The following MDGA2 variants were observed in gnomAD, a reference collection of about 807,000 sequenced individuals.
The protein encoded by MDGA2 is MAM domain containing glycosylphosphatidylinositol anchor 2.
In MDGA2, 40 loss-of-function variants were observed where a neutral mutation model predicts 117.8. The observed-to-expected ratio is 0.34, with a 90% CI of 0.26 to 0.44. The LOEUF (loss-of-function observed/expected upper bound fraction) is 0.44. MDGA2 is among the 20% of genes least tolerant of loss of function. The probability of loss-of-function intolerance (pLI) is 1.00; values close to 1 mark genes in which losing one functional copy is unlikely to be tolerated. For missense variants in MDGA2, 1,123 were observed against 1,250.6 expected (o/e 0.90, Z 1.54); for synonymous variants, 452 against 439.0 (o/e 1.03, Z -0.37).
chr14:47,128,745 A>AG (rs1037339135), intron 5 of MDGA2, among the ~76,000 whole-genome samples: 1 of 146,838 alleles, frequency 6.8e-6, no homozygotes, highest in Non-Finnish European at 1.5e-5. Context: ...CCCAGGCTGG[A>AG]GTGCAGTGGC....
At chr14:47,228,282 A>C (rs1302970249) in intron 2 of MDGA2, among the ~76,000 whole-genome samples, 1 of 152,186 alleles carries the variant, frequency 6.6e-6, no homozygotes, top group Non-Finnish European at 1.5e-5. Context: ...GACCCCATCA[A>C]GGTTCAATGA....
intron 1 of MDGA2, among the ~76,000 whole-genome samples, chr14:47,626,893 G>A (rs981502330): frequency 4.2e-4 from 64 of 152,260 alleles, no homozygotes; most frequent in African/African-American, 1.5e-3. Context: ...GAGTGCAGGC[G>A]CACGGCGCTG....
intron 1 of MDGA2, among the ~76,000 whole-genome samples, chr14:47,492,468 T>C (rs1412731827): frequency 6.6e-6 from 1 of 151,916 alleles, no homozygotes; most frequent in Non-Finnish European, 1.5e-5. Context: ...GTGTGTGTGT[T>C]TGTGTGTGTG....
At chr14:47,154,765 G>A (rs1464460461) in intron 3 of MDGA2, among the ~76,000 whole-genome samples, 1 of 152,170 alleles carries the variant, frequency 6.6e-6, no homozygotes, top group African/African-American at 2.4e-5. Context: ...GCACCGGCCT[G>A]CAGGCACTCC....
chr14:47,132,357 A>T (rs571377519), intron 4 of MDGA2, among the ~76,000 whole-genome samples: 1 of 152,090 alleles, frequency 6.6e-6, no homozygotes, highest in South Asian at 2.1e-4. Context: ...TTATAAACAT[A>T]AATATTTTGT....
intron 10 of MDGA2, among the ~76,000 whole-genome samples, chr14:46,890,977 G>GT (rs1882861813): frequency 6.6e-6 from 1 of 151,980 alleles, no homozygotes; most frequent in African/African-American, 2.4e-5. Flanking sequence ...TTGGAAAAAA[G>GT]TAAGTTCTTT....
intron 6 of MDGA2, among the ~76,000 whole-genome samples, chr14:47,087,573 CTATTT>C (rs1310942574): frequency 6.6e-6 from 1 of 151,116 alleles, no homozygotes; most frequent in Non-Finnish European, 1.5e-5. Context: ...AACCAAAGGC[CTATTT>C]ACATATCTAT....
At chr14:46,866,668 C>G (rs1881775661) in intron 14 of MDGA2, among the ~76,000 whole-genome samples, 2 of 151,126 alleles carry the variant, frequency 1.3e-5, no homozygotes, top group Non-Finnish European at 2.9e-5. Flanking sequence ...TATCCAGAAT[C>G]TACAATGAAC....
intron 1 of MDGA2, among the ~76,000 whole-genome samples, chr14:47,324,175 G>T (rs1479442457): frequency 6.6e-6 from 1 of 152,104 alleles, no homozygotes; most frequent in African/African-American, 2.4e-5. Flanking sequence ...AACCCAGGAG[G>T]CGAAGCTTGC....
intron 7 of MDGA2, among the ~76,000 whole-genome samples, chr14:47,054,997 CTTTTCTTTTTTTTT>C (rs956846849): frequency 1.3e-4 from 10 of 79,490 alleles, no homozygotes; most frequent in African/African-American, 4.6e-4. Context: ...ATTTTTTTTT[CTTTTCTTTTTTTTT>C]TTTTTTTTCC....
chr14:47,416,362 A>G (rs1442368758), intron 1 of MDGA2, among the ~76,000 whole-genome samples: 1 of 152,210 alleles, frequency 6.6e-6, no homozygotes, highest in Non-Finnish European at 1.5e-5. Context: ...TTAATTTTCA[A>G]GAATAATCTT....
In MDGA2 at chr14:46,840,716, A is replaced by G. The variant is rs1268011704; in HGVS notation, c.*1215T>C. 2 of 152,512 alleles carry G rather than the reference A, an allele frequency of 1.3e-5. No homozygotes were observed. Among genetic ancestry groups the G allele is most frequent in the African/African-American group, 4.8e-5 (2 of 41,432 alleles). The allele number at this position is 152,512 out of a possible 1,614,324, so 9.4% of individuals were successfully genotyped here. ...CTTGTTCCCTCTAAAGCTAGGGCCA[A>G]TTTCATTTCAAATGGAGGTTAGAGT... On this transcript the variant is annotated 3_prime_UTR_variant, in exon 17 of 17. Coordinates refer to ENST00000399232, the MANE Select transcript of MDGA2 (RefSeq NM_001113498.3).
At chr14:47,397,192 A>T (rs1892030975) in intron 1 of MDGA2, among the ~76,000 whole-genome samples, 1 of 152,188 alleles carries the variant, frequency 6.6e-6, no homozygotes, top group South Asian at 2.1e-4. Context: ...GACATGGATG[A>T]AGCTGGAAAC....
At chr14:47,224,803 T>C (rs1886427011) in intron 2 of MDGA2, among the ~76,000 whole-genome samples, 3 of 152,190 alleles carry the variant, frequency 2.0e-5, no homozygotes, top group Non-Finnish European at 2.9e-5. Context: ...TACGTAATTA[T>C]TAATAGGCAG....
Position 47,674,601 on chromosome 14 carries a change from C to G in MDGA2, c.196G>C (p.Val66Leu). The G allele has an allele frequency of 6.4e-7, 1 of 1,550,970 alleles. No individual in the cohort carries two copies. The highest frequency in any genetic ancestry group is 8.7e-7 in the Non-Finnish European group (1 of 1,146,484). The part of the protein sequence containing the change: ...LRTPWAGYVH[V>L]HVKMDLLYGL... ...TACAGTAAATCCATCTTCACGTGAACATGAACATATCCAGCCCAGGGGGTA... is the reference window on the plus strand; with the variant it reads ...TACAGTAAATCCATCTTCACGTGAAGATGAACATATCCAGCCCAGGGGGTA... The change falls in exon 1 of 17, where the codon GTT becomes CTT. Residue 66 changes from valine (V) to leucine (L), a missense_variant. By Grantham distance (32) the Val-to-Leu change is conservative. This residue lies in a region of MDGA2 where 233 missense variants were observed against 200.3 expected (regional missense o/e 1.16). Transcript: ENST00000399232.
chr14:47,405,335 A>G (rs1300249859), intron 1 of MDGA2, among the ~76,000 whole-genome samples: 1 of 152,184 alleles, frequency 6.6e-6, no homozygotes, highest in Non-Finnish European at 1.5e-5. Context: ...ACTCTGATGT[A>G]TTACTGCTAG....
At chr14:46,872,930 T>G (rs2138362627) in intron 14 of MDGA2, among the ~76,000 whole-genome samples, 1 of 152,044 alleles carries the variant, frequency 6.6e-6, no homozygotes, top group Admixed American at 6.6e-5. Context: ...TATCTTTGTA[T>G]GCTGTGCAGG....
intron 9 of MDGA2, among the ~76,000 whole-genome samples, chr14:46,954,024 G>C (rs1217439465): frequency 6.6e-6 from 1 of 151,812 alleles, no homozygotes; most frequent in Non-Finnish European, 1.5e-5. Flanking sequence ...TTGTGTAATG[G>C]GCATAACATT....
intron 6 of MDGA2, among the ~76,000 whole-genome samples, chr14:47,066,981 G>C (rs1890107640): frequency 6.6e-6 from 1 of 152,086 alleles, no homozygotes; most frequent in Admixed American, 6.6e-5. Flanking sequence ...TAGGCGTGGT[G>C]GCAGGCGCCT....
Sources: allele counts gnomAD v4.1 joint callset (sites outside exome capture counted in the v4.1 genomes callset), GRCh38; gene constraint gnomAD v4.1.1; regional missense constraint gnomAD v4.1.1; transcripts MANE v1.5; gene names NCBI Gene and HGNC (gene_info 2026-07-23, HGNC 2026-07-21).